The following DEDD variants were observed in gnomAD, a reference collection of about 807,000 sequenced individuals.
DEDD encodes death effector domain containing, also known as death effector domain-containing protein.
A neutral mutation model predicts 29.2 loss-of-function variants in DEDD; 3 were observed. The ratio of observed to expected loss-of-function variants is 0.10; its 90% confidence interval spans 0.05 to 0.27. The LOEUF is 0.27. Ranked by LOEUF, DEDD falls within the 10% of genes least tolerant of loss-of-function variation. The pLI, the probability that DEDD is intolerant of heterozygous loss-of-function variation, is 1.00. For missense variants in DEDD, 261 were observed against 420.5 expected, an observed-to-expected ratio of 0.62 and a Z score of 3.32; for synonymous variants, 152 against 161.3, an observed-to-expected ratio of 0.94 and a Z score of 0.44.
At position 161,131,891 on chromosome 1, in the gene DEDD, C is replaced by T. The variant is rs181060521; in HGVS notation, c.-98+660G>A. On this transcript the variant is annotated intron_variant, in intron 1 of 5. Transcript: ENST00000368006. ...CACCCGTGCAGCTCCACTGTCCTAT[C>T]TCCCATTCCACTCCCCTTCCTCCCA... Among the ~76,000 whole-genome samples the T allele has an allele frequency of 6.6e-5, 10 of 152,138 alleles. No individual in the cohort carries two copies. In the East Asian group the frequency reaches 1.9e-3, roughly 29 times the overall value.
chr1:161,122,627 A>T lies in DEDD; in HGVS notation c.581-104T>A. On this transcript the variant is annotated intron_variant, in intron 5 of 5. Coordinates refer to ENST00000368006, the MANE Select transcript of DEDD (RefSeq NM_032998.3). The surrounding 1 kb of genome is among the most constrained non-coding windows in gnomAD (Gnocchi z 4.2). Reference sequence around the variant, plus strand: ...GCACAACAGAATAAAAAAGTAGGGAATATCACCTGACAGCTTCTCTACCTC... The same window carrying T: ...GCACAACAGAATAAAAAAGTAGGGATTATCACCTGACAGCTTCTCTACCTC... 7.1e-7 allele frequency: 1 copy of T among 1,400,418 alleles called. No individual in the cohort carries two copies. Among genetic ancestry groups the T allele is most frequent in the Non-Finnish European group, 9.7e-7 (1 of 1,035,510 alleles). The allele number at this position is 1,400,418 out of a possible 1,614,324, so 86.7% of individuals were successfully genotyped here.
In DEDD at chr1:161,124,152, T is replaced by C. The variant is rs1655889709; in HGVS notation, c.311A>G (p.Lys104Arg). Residue 104 changes from lysine (K) to arginine (R), a missense_variant, in exon 3 of 6, where the codon AAG becomes AGG. Transcript: ENST00000368006. ...TACTTCCTCACCAGCCCGTCTCCTC[T>C]TGAGGGTGACGTAGGGCAGCAGGTC... ...RHDLLPYVTL[K>R]RRRAVCPDLV... is the part of the protein sequence containing the mutation. The C allele has an allele frequency of 3.7e-6, 6 of 1,613,142 alleles. No individual in the cohort carries two copies. Among genetic ancestry groups the C allele is most frequent in the Non-Finnish European group, 4.2e-6 (5 of 1,179,330 alleles).
At chr1:161,124,105 C>T in intron 3 of DEDD, 33 bp downstream of exon 3, 1 of 1,594,464 alleles carries the variant, frequency 6.3e-7, no homozygotes. Context: ...TCCCACAACT[C>T]TTCCCTGATT....
At position 161,124,429 on chromosome 1, in the gene DEDD, A is replaced by C; in HGVS notation, c.34T>G (p.Trp12Gly). 2.5e-6 allele frequency: 4 copies of C among 1,606,614 alleles called. No homozygotes were observed. Among genetic ancestry groups the C allele is most frequent in the Non-Finnish European group, 3.4e-6 (4 of 1,173,944 alleles). Residue 12 changes from tryptophan to glycine, a missense_variant, in exon 3 of 6, where the codon TGG becomes GGG. This residue lies in a region of DEDD where 203 missense variants were observed against 268.7 expected (regional missense o/e 0.76). Coordinates refer to ENST00000368006, the MANE Select transcript of DEDD (RefSeq NM_032998.3). ...TCCTGCTCACCATGCTCTTCTGGCC[A>C]CACCTGGCTTGCCCGCCGCTTTAGG... ...AGLKRRASQV[W>G]PEEHGEQEHG...
chr1:161,122,996 T>G lies in DEDD; in HGVS notation c.580+79A>C. On this transcript the variant is annotated intron_variant, in intron 5 of 5. Coordinates refer to ENST00000368006, the MANE Select transcript of DEDD (RefSeq NM_032998.3). This position sits in a 1 kb window ranked among gnomAD's most constrained non-coding sequence, Gnocchi z 4.2. Reference sequence around the variant, plus strand: ...AAAGTGAATCTCACACTGAATAGCATAAACTGCCCAGTGTCCCAGCAGTTC... The same window carrying G: ...AAAGTGAATCTCACACTGAATAGCAGAAACTGCCCAGTGTCCCAGCAGTTC... The G allele has an allele frequency of 6.2e-7, 1 of 1,614,066 alleles. No homozygotes were observed. Among genetic ancestry groups the G allele is most frequent in the Admixed American group, 1.7e-5 (1 of 60,028 alleles).
Position 161,121,931 on chromosome 1 carries a change from G to T in DEDD, c.*216C>A. ...GGTAGCTGTAGAGACACATTACGGGGTAAATGGAAAAGGGAAATAAAGGGG... is the reference window on the plus strand; with the variant it reads ...GGTAGCTGTAGAGACACATTACGGGTTAAATGGAAAAGGGAAATAAAGGGG... On this transcript the variant is annotated 3_prime_UTR_variant, in exon 6 of 6. Coordinates refer to ENST00000368006, the MANE Select transcript of DEDD (RefSeq NM_032998.3). 1 of 580,346 alleles carries T rather than the reference G, an allele frequency of 1.7e-6. No individual in the cohort carries two copies. The highest frequency in any genetic ancestry group is 3.0e-6 in the Non-Finnish European group (1 of 335,772). The allele number at this position is 580,346 out of a possible 1,614,324, so 35.9% of individuals were successfully genotyped here.
chr1:161,121,382 TC>T lies in DEDD; in HGVS notation c.*764del. On this transcript the variant is annotated 3_prime_UTR_variant, in exon 6 of 6. Coordinates refer to ENST00000368006, the MANE Select transcript of DEDD (RefSeq NM_032998.3). ...TGAACATGGAAAGAAAGTGTCACACTCCCCCTTCCCCTTTATAGGGGGAGTG... is the reference window on the plus strand; with the variant it reads ...TGAACATGGAAAGAAAGTGTCACACTCCCCTTCCCCTTTATAGGGGGAGTG... 1 of 161,434 alleles carries T rather than the reference TC, an allele frequency of 6.2e-6. No homozygotes were observed. The highest frequency in any genetic ancestry group is 1.3e-5 in the Non-Finnish European group (1 of 76,142). 10.0% of individuals were successfully genotyped at this position (161,434 alleles called of 1,614,324 possible). A position where few individuals can be genotyped will look rare whatever the true frequency, so the allele number is the denominator to read the frequency against.
chr1:161,131,619 A>G (rs1656675634), intron 1 of DEDD, among the ~76,000 whole-genome samples: 1 of 152,188 alleles, frequency 6.6e-6, no homozygotes, highest in South Asian at 2.1e-4. Flanking sequence ...CTTGGGCGAC[A>G]CCGGCTTCCC....
Position 161,122,090 on chromosome 1 carries a change from T to C in DEDD, c.*57A>G. 7 of 1,584,624 alleles carry C rather than the reference T, an allele frequency of 4.4e-6. No individual in the cohort carries two copies. Among genetic ancestry groups the C allele is most frequent in the Non-Finnish European group, 6.0e-6 (7 of 1,167,044 alleles). ...GGGTAGAGAACAAACCCCAGAACAG[T>C]GTAAGCTCCAGAGGTGGGTGATGGG... On this transcript the variant is annotated 3_prime_UTR_variant, in exon 6 of 6. Transcript: ENST00000368006. The surrounding 1 kb of genome is among the most constrained non-coding windows in gnomAD (Gnocchi z 4.2).
At chr1:161,128,462 G>A (rs952464901) in intron 2 of DEDD, among the ~76,000 whole-genome samples, 5 of 152,100 alleles carry the variant, frequency 3.3e-5, no homozygotes, top group Non-Finnish European at 7.3e-5. Flanking sequence ...TTAGCCTGGC[G>A]TGGTGGCATG....
In DEDD at chr1:161,124,262, G is replaced by A; in HGVS notation, c.201C>T (p.Phe67=). 6.2e-7 allele frequency: 1 copy of A among 1,614,234 alleles called. No individual in the cohort carries two copies. The change falls in exon 3 of 6, where the codon TTC becomes TTT. Residue 67 remains phenylalanine, a synonymous_variant. Transcript: ENST00000368006. The stretch of plus-strand genomic sequence containing the variant: ...GGCCCTGGCGCTCCAGTGCCAATAA[G>A]AAGTCACGTCCATTTCGGATGAGTC... The part of the protein sequence containing the change: ...ERGLIRNGRD[F]LLALERQGRC...
At position 161,121,142 on chromosome 1, in the gene DEDD, ACCT is replaced by A. The variant is rs1655448734; in HGVS notation, c.*1002_*1004del. The A allele has an allele frequency of 2.8e-6, 3 of 1,074,950 alleles. No individual in the cohort carries two copies. The highest frequency in any genetic ancestry group is 3.4e-6 in the Non-Finnish European group (3 of 883,048). The allele number at this position is 1,074,950 out of a possible 1,614,324, so 66.6% of individuals were successfully genotyped here. ...CAGCTGGACTAAGCTCCAGTTCTAGACCTCCTGGCTCATTCAACATGCCTCCCT... is the reference window on the plus strand; with the variant it reads ...CAGCTGGACTAAGCTCCAGTTCTAGACCTGGCTCATTCAACATGCCTCCCT... On this transcript the variant is annotated 3_prime_UTR_variant, in exon 6 of 6. Transcript: ENST00000368006.
At chr1:161,124,052 A>G (rs1238239319) in intron 3 of DEDD, 86 bp downstream of exon 3, 12 of 1,577,688 alleles carry the variant, frequency 7.6e-6, no homozygotes, top group African/African-American at 4.0e-5. Context: ...CCCAGGATCA[A>G]TGTGTCCTCC....
chr1:161,126,624 G>A (rs1656204312), intron 2 of DEDD, among the ~76,000 whole-genome samples: 1 of 152,064 alleles, frequency 6.6e-6, no homozygotes, highest in African/African-American at 2.4e-5. Context: ...TTACAGGTGT[G>A]AGCCACCACG....
rs1293083866 is a variant in DEDD at position 161,122,801 on chromosome 1, G to T, written c.580+274C>A. Among the ~76,000 whole-genome samples the T allele has an allele frequency of 6.6e-6, 1 of 152,196 alleles. No homozygotes were observed. Among genetic ancestry groups the T allele is most frequent in the Non-Finnish European group, 1.5e-5 (1 of 68,040 alleles). On this transcript the variant is annotated intron_variant, in intron 5 of 5. Transcript: ENST00000368006. The surrounding 1 kb of genome is among the most constrained non-coding windows in gnomAD (Gnocchi z 4.2). ...GATATTTTCCTAATTACCAGGCATA[G>T]AAGTTCATTTTAATACTCGACTTGG...
At position 161,132,638 on chromosome 1, in the gene DEDD, A is replaced by AGGC. The variant is rs1656799938; in HGVS notation, c.-186_-185insGCC. 4 of 166,888 alleles carry AGGC rather than the reference A, an allele frequency of 2.4e-5. No homozygotes were observed. In the East Asian group the frequency reaches 7.0e-4, roughly 29 times the overall value. The allele number at this position is 166,888 out of a possible 1,614,324, so 10.3% of individuals were successfully genotyped here. A position where few individuals can be genotyped will look rare whatever the true frequency, so the allele number is the denominator to read the frequency against. Reference sequence around the variant, plus strand: ...CACGGCGCCGCATCCGGGCTCCAGCAGCCGCCGCCGCCGCCGCCGCCGCGG... The same window carrying AGGC: ...CACGGCGCCGCATCCGGGCTCCAGCAGGCGCCGCCGCCGCCGCCGCCGCCGCGG... On this transcript the variant is annotated 5_prime_UTR_variant, in exon 1 of 6. Transcript: ENST00000368006.
chr1:161,130,449 T>C (rs1656576872), intron 2 of DEDD, among the ~76,000 whole-genome samples: 1 of 152,030 alleles, frequency 6.6e-6, no homozygotes, highest in Admixed American at 6.6e-5. Context: ...AGAGGAAAAG[T>C]TTCCCACGGA....
Position 161,124,626 on chromosome 1 carries a change from G to C in DEDD, c.-64-100C>G, listed in dbSNP as rs1557980678. On this transcript the variant is annotated intron_variant, in intron 2 of 5. Coordinates refer to ENST00000368006, the MANE Select transcript of DEDD (RefSeq NM_032998.3). ...TGCTAACAATGCCTGGCACAGTATA[G>C]TGCTTTATACATGTTTATTAAATTT... The C allele has an allele frequency of 2.2e-6, 3 of 1,376,528 alleles. No homozygotes were observed. The East Asian group carries it at 7.6e-5, about 35-fold the overall frequency. 85.3% of individuals were successfully genotyped at this position (1,376,528 alleles called of 1,614,324 possible).
chr1:161,130,734 TG>T (rs1304607341), intron 2 of DEDD, 80 bp downstream of exon 2: 1 of 152,216 alleles, frequency 6.6e-6, no homozygotes, highest in Non-Finnish European at 1.5e-5. Flanking sequence ...TCCTCATTAA[TG>T]GACCCAACCT....
Sources: allele counts gnomAD v4.1 joint callset (sites outside exome capture counted in the v4.1 genomes callset), GRCh38; gene constraint gnomAD v4.1.1; regional missense constraint gnomAD v4.1.1; non-coding constraint Gnocchi (gnomAD v3.1); transcripts MANE v1.5; gene names NCBI Gene and HGNC (gene_info 2026-07-23, HGNC 2026-07-21).